The following TOGARAM1 variants were observed in gnomAD, a reference collection of about 807,000 sequenced individuals.
TOGARAM1 encodes TOG array regulator of axonemal microtubules 1, also known as TOG array regulator of axonemal microtubules protein 1.
In TOGARAM1, 100 loss-of-function variants were observed where a neutral mutation model predicts 166.6. The observed-to-expected ratio is 0.60, with a 90% CI of 0.51 to 0.71. The LOEUF (loss-of-function observed/expected upper bound fraction) is 0.71, where lower values mean the gene tolerates loss of function less well. Among genes scored for constraint, TOGARAM1 ranks in the 30% least tolerant of loss-of-function variants. The pLI is 0.00. For synonymous variants in TOGARAM1, 758 were observed against 763.8 expected, an observed-to-expected ratio of 0.99 and a Z score of 0.13; for missense variants, 2,029 against 2,102.7, an observed-to-expected ratio of 0.96 and a Z score of 0.69.
intron 1 of TOGARAM1, among the ~76,000 whole-genome samples, chr14:44,991,213 C>T (rs1186518318): frequency 6.6e-6 from 1 of 152,054 alleles, no homozygotes; most frequent in Admixed American, 6.6e-5. Flanking sequence ...CCACCTCCAC[C>T]TCTCAAAGTG....
At chr14:44,995,110 A>G (rs1483636523) in intron 1 of TOGARAM1, among the ~76,000 whole-genome samples, 1 of 152,230 alleles carries the variant, frequency 6.6e-6, no homozygotes, top group Non-Finnish European at 1.5e-5. Flanking sequence ...ATTATGTGCA[A>G]CTTCAAAATT....
Position 44,962,392 on chromosome 14 carries a change from C to A in TOGARAM1, c.-30C>A, listed in dbSNP as rs754520018. On this transcript the variant is annotated 5_prime_UTR_variant, in exon 1 of 20. Coordinates refer to ENST00000361462, the MANE Select transcript of TOGARAM1 (RefSeq NM_001308120.2). The stretch of plus-strand genomic sequence containing the variant: ...AGCCCTTTGGAGACGGCAATGGTTT[C>A]TTCCAACCACCACCACCTGACAACC... The A allele has an allele frequency of 2.6e-6, 4 of 1,517,018 alleles. No homozygotes were observed. The Admixed American group carries it at 8.7e-5, about 33-fold the overall frequency. 94.0% of individuals were successfully genotyped at this position (1,517,018 alleles called of 1,614,324 possible). A position where few individuals can be genotyped will look rare whatever the true frequency, so the allele number is the denominator to read the frequency against.
chr14:45,002,533 T>C (rs534048007), intron 3 of TOGARAM1, among the ~76,000 whole-genome samples: 1 of 152,348 alleles, frequency 6.6e-6, no homozygotes, highest in African/African-American at 2.4e-5. Context: ...GGACCTATGG[T>C]ATGGATGCAA....
chr14:44,971,861 C>T (rs1885901652), intron 1 of TOGARAM1, among the ~76,000 whole-genome samples: 1 of 152,136 alleles, frequency 6.6e-6, no homozygotes, highest in Non-Finnish European at 1.5e-5. Context: ...ATTCTGTTCT[C>T]ACATTGCTGT....
In TOGARAM1 at chr14:45,048,720, T is replaced by C. The variant is rs147160918; in HGVS notation, c.4313+2017T>C. 3.3e-3 allele frequency among the ~76,000 whole-genome samples: 508 copies of C among 152,238 alleles called. 1 individual carries two copies. Among genetic ancestry groups the C allele is most frequent in the African/African-American group, 0.012 (492 of 41,540 alleles). On this transcript the variant is annotated intron_variant, in intron 14 of 19. Coordinates refer to ENST00000361462, the MANE Select transcript of TOGARAM1 (RefSeq NM_001308120.2). ...AGCTGGGCGTGGTGGCTCACACCTA[T>C]AATCCCAGCACTTTGGGAGTTGGAG...
chr14:45,062,573 A>G (rs1882945477), intron 16 of TOGARAM1, among the ~76,000 whole-genome samples: 1 of 152,154 alleles, frequency 6.6e-6, no homozygotes, highest in African/African-American at 2.4e-5. Context: ...GGATCGTTCA[A>G]CTTACGATTT....
intron 15 of TOGARAM1, among the ~76,000 whole-genome samples, chr14:45,053,829 A>G (rs1882498995): frequency 6.6e-6 from 1 of 152,174 alleles, no homozygotes; most frequent in South Asian, 2.1e-4. Flanking sequence ...TATATTCTAC[A>G]TAGATTTTAA....
At chr14:45,042,960 T>C (rs1881802268) in intron 11 of TOGARAM1, among the ~76,000 whole-genome samples, 1 of 152,214 alleles carries the variant, frequency 6.6e-6, no homozygotes, top group Admixed American at 6.5e-5. Flanking sequence ...AATGTTGTTT[T>C]CATGCATGCT....
At chr14:45,015,498 A>G (rs936626499) in intron 7 of TOGARAM1, among the ~76,000 whole-genome samples, 2 of 151,626 alleles carry the variant, frequency 1.3e-5, no homozygotes, top group East Asian at 3.9e-4. Flanking sequence ...GAGTATTCAT[A>G]AAGAGTGATG....
chr14:45,042,758 C>T (rs1483152932), intron 11 of TOGARAM1, among the ~76,000 whole-genome samples: 1 of 152,108 alleles, frequency 6.6e-6, no homozygotes, highest in Non-Finnish European at 1.5e-5. Context: ...AAAAATACTA[C>T]TGATCACCTG....
At chr14:45,054,636 G>GA (rs1467651330) in intron 16 of TOGARAM1, 87 bp downstream of exon 16, 1 of 908,152 alleles carries the variant, frequency 1.1e-6, no homozygotes, top group African/African-American at 1.7e-5. Flanking sequence ...TACCCCAGGG[G>GA]TATTTGCCAA....
chr14:45,046,576 G>C lies in TOGARAM1; in HGVS notation c.4186G>C (p.Ala1396Pro). Residue 1396 changes from alanine (A) to proline (P), a missense_variant, in exon 14 of 20, where the codon GCC becomes CCC. Transcript: ENST00000361462. The part of the protein sequence containing the change: ...HLHIAVRRCT[A>P]QHLSDVLEFM... ...ACACATTGCTGTAAGAAGGTGTACA[G>C]CCCAGCATTTATCAGATGTATTGGA... 5 of 1,377,018 alleles carry C rather than the reference G, an allele frequency of 3.6e-6. No individual in the cohort carries two copies. Among genetic ancestry groups the C allele is most frequent in the Non-Finnish European group, 4.7e-6 (5 of 1,058,470 alleles). 85.3% of individuals were successfully genotyped at this position (1,377,018 alleles called of 1,614,324 possible).
chr14:45,034,024 G>T (rs1594676169), intron 11 of TOGARAM1, among the ~76,000 whole-genome samples: 1 of 152,062 alleles, frequency 6.6e-6, no homozygotes. Flanking sequence ...GTGCATGGTG[G>T]CACACGTCTG....
intron 11 of TOGARAM1, among the ~76,000 whole-genome samples, chr14:45,041,049 T>C (rs1477280255): frequency 7.0e-6 from 1 of 142,362 alleles, no homozygotes; most frequent in Non-Finnish European, 1.5e-5. Context: ...AAAAAAGTAA[T>C]AATAATAATA....
chr14:45,069,498 T>C (rs1447502116), intron 18 of TOGARAM1, among the ~76,000 whole-genome samples: 8 of 149,668 alleles, frequency 5.3e-5, no homozygotes. Flanking sequence ...AAGCTCAACA[T>C]AAAAAAAAAC....
At chr14:44,993,362 A>G (rs892141156) in intron 1 of TOGARAM1, among the ~76,000 whole-genome samples, 12 of 152,118 alleles carry the variant, frequency 7.9e-5, no homozygotes, top group Non-Finnish European at 1.8e-4. Context: ...ATTTCCAACC[A>G]TTATTAATAT....
At chr14:45,028,923 T>C (rs571537728) in intron 10 of TOGARAM1, among the ~76,000 whole-genome samples, 7 of 152,320 alleles carry the variant, frequency 4.6e-5, no homozygotes, top group African/African-American at 1.4e-4. Context: ...ATTAAATTTA[T>C]GTTGTATCTG....
chr14:45,066,132 G>A (rs1031980419), intron 16 of TOGARAM1, among the ~76,000 whole-genome samples: 11 of 152,200 alleles, frequency 7.2e-5, no homozygotes, highest in African/African-American at 2.7e-4. Flanking sequence ...AGCTCCCAGT[G>A]AAAACTCTAG....
intron 3 of TOGARAM1, among the ~76,000 whole-genome samples, chr14:45,003,015 G>C (rs1887759008): frequency 6.6e-6 from 1 of 152,036 alleles, no homozygotes; most frequent in Non-Finnish European, 1.5e-5. Context: ...TAAATCTCTA[G>C]GAATATATGA....
Sources: gnomAD v4.1 joint callset for allele counts (sites outside exome capture counted in the v4.1 genomes callset) on GRCh38, gnomAD v4.1.1 for gene constraint, MANE v1.5 for transcripts, NCBI Gene and HGNC (gene_info 2026-07-23, HGNC 2026-07-21) for gene names.